Variants in MGAT4C observed in about 807,000 individuals in gnomAD.
MGAT4C encodes MGAT4 family member C.
In MGAT4C, 19 loss-of-function variants were observed where a neutral mutation model predicts 40.1. That is an observed-to-expected ratio of 0.47 (90% CI 0.33 to 0.70). MGAT4C has a LOEUF of 0.70. Ranked by LOEUF, MGAT4C falls within the 30% of genes least tolerant of loss-of-function variation. The pLI is 0.02. For synonymous variants in MGAT4C, 181 were observed against 187.1 expected, an observed-to-expected ratio of 0.97 and a Z score of 0.27; for missense variants, 491 against 563.2, an observed-to-expected ratio of 0.87 and a Z score of 1.30.
Position 86,085,088 on chromosome 12 carries a change from A to T in MGAT4C, c.-56-35365T>A, listed in dbSNP as rs140841913. ...GCACTCTCACAATTTCTATTTCAAA[A>T]TATCTATACATTCTCTCATATAGTT... is the stretch of plus-strand genomic sequence containing the variant. On this transcript the variant is annotated intron_variant, in intron 1 of 4. Coordinates refer to ENST00000611864, the MANE Select transcript of MGAT4C (RefSeq NM_001351288.2). Among the ~76,000 whole-genome samples the T allele has an allele frequency of 6.2e-3, 941 of 152,168 alleles. 9 individuals carry two copies. The highest frequency in any genetic ancestry group is 0.011 in the Non-Finnish European group (769 of 67,960).
intron 2 of MGAT4C, among the ~76,000 whole-genome samples, chr12:86,646,965 C>T (rs1229002367): frequency 2.0e-5 from 3 of 151,904 alleles, no homozygotes; most frequent in Non-Finnish European, 4.4e-5. Flanking sequence ...CAAGGTGACA[C>T]AGCAGAGGCT....
At chr12:86,358,555 C>T (rs887788144) in intron 3 of MGAT4C, among the ~76,000 whole-genome samples, 5 of 152,126 alleles carry the variant, frequency 3.3e-5, no homozygotes, top group African/African-American at 1.2e-4. Context: ...GAGTCAAGAT[C>T]CATCAGTGTG....
At chr12:86,414,609 CA>C (rs1336488647) in intron 3 of MGAT4C, among the ~76,000 whole-genome samples, 1 of 151,722 alleles carries the variant, frequency 6.6e-6, no homozygotes, top group Non-Finnish European at 1.5e-5. Flanking sequence ...TTTTTAGAGC[CA>C]AAATAAATTC....
At chr12:86,578,107 C>A (rs1020057760) in intron 2 of MGAT4C, among the ~76,000 whole-genome samples, 1 of 151,558 alleles carries the variant, frequency 6.6e-6, no homozygotes, top group Non-Finnish European at 1.5e-5. Context: ...CTCCAAATGG[C>A]AAGAATAGGA....
At chr12:86,519,843 A>T (rs1187573848) in intron 2 of MGAT4C, among the ~76,000 whole-genome samples, 1 of 152,008 alleles carries the variant, frequency 6.6e-6, no homozygotes, top group East Asian at 1.9e-4. Context: ...ATTTTCTCCC[A>T]TTCTGTGGGT....
intron 1 of MGAT4C, among the ~76,000 whole-genome samples, chr12:86,736,225 C>G (rs1179048904): frequency 6.6e-6 from 1 of 151,766 alleles, no homozygotes; most frequent in Non-Finnish European, 1.5e-5. Flanking sequence ...TTACAGTAAG[C>G]CACACTGTTG....
chr12:86,743,531 T>C (rs923463541), intron 1 of MGAT4C, among the ~76,000 whole-genome samples: 1 of 151,586 alleles, frequency 6.6e-6, no homozygotes, highest in Non-Finnish European at 1.5e-5. Flanking sequence ...TTTCTGGCTA[T>C]GATAGATTTC....
chr12:86,221,762 T>C (rs556445393), intron 1 of MGAT4C, among the ~76,000 whole-genome samples: 2 of 152,336 alleles, frequency 1.3e-5, no homozygotes, highest in South Asian at 2.1e-4. Flanking sequence ...CACTTCCTTT[T>C]TCTATCTACA....
intron 3 of MGAT4C, among the ~76,000 whole-genome samples, chr12:86,406,993 G>A (rs1029434767): frequency 2.0e-5 from 3 of 152,094 alleles, no homozygotes; most frequent in African/African-American, 7.2e-5. Flanking sequence ...GTTGCAAGTA[G>A]TAGGTTGTCA....
intron 2 of MGAT4C, among the ~76,000 whole-genome samples, chr12:86,638,117 C>G (rs1963275004): frequency 3.5e-5 from 2 of 57,146 alleles, no homozygotes; most frequent in African/African-American, 7.3e-5. Flanking sequence ...TTTTATCTAA[C>G]AAAAAAATCA....
At chr12:86,443,385 G>A (rs1414941784) in intron 2 of MGAT4C, among the ~76,000 whole-genome samples, 1 of 152,090 alleles carries the variant, frequency 6.6e-6, no homozygotes, top group African/African-American at 2.4e-5. Flanking sequence ...ATGCTGAATA[G>A]ACCTGGAGAA....
chr12:85,959,268 T>C lies in MGAT4C; in HGVS notation c.*20021A>G, dbSNP rs1882983613. 1 of 151,908 alleles carries C rather than the reference T, an allele frequency of 6.6e-6. No homozygotes were observed. The allele number at this position is 151,908 out of a possible 1,614,324, so 9.4% of individuals were successfully genotyped here. ...CTAAAAGGCAGAAAAGCTGGAAAAA[T>C]CTCATGAAGACTAGAAGATTTACAC... is the stretch of plus-strand genomic sequence containing the variant. On this transcript the variant is annotated 3_prime_UTR_variant, in exon 5 of 5. Transcript: ENST00000611864.
At chr12:86,808,287 A>G (rs1952402710) in intron 1 of MGAT4C, among the ~76,000 whole-genome samples, 2 of 152,094 alleles carry the variant, frequency 1.3e-5, no homozygotes, top group South Asian at 4.1e-4. Context: ...TGAGGCTGGC[A>G]TTATCTTGAT....
chr12:86,801,204 A>T (rs1028179685), intron 1 of MGAT4C, among the ~76,000 whole-genome samples: 2 of 151,984 alleles, frequency 1.3e-5, no homozygotes, highest in African/African-American at 4.8e-5. Context: ...AAAGAACAGA[A>T]GACAGCTCTC....
At chr12:86,167,015 A>G (rs1886265333) in intron 1 of MGAT4C, among the ~76,000 whole-genome samples, 1 of 152,176 alleles carries the variant, frequency 6.6e-6, no homozygotes, top group Non-Finnish European at 1.5e-5. Flanking sequence ...TTGGTAAATT[A>G]TCTCATATAC....
chr12:86,772,376 A>G (rs1232913087), intron 1 of MGAT4C, among the ~76,000 whole-genome samples: 2 of 152,226 alleles, frequency 1.3e-5, no homozygotes, highest in Non-Finnish European at 2.9e-5. Context: ...ATGGAACAAA[A>G]TTCTACAGGA....
intron 1 of MGAT4C, among the ~76,000 whole-genome samples, chr12:86,796,251 C>G (rs1326991223): frequency 1.3e-5 from 2 of 151,320 alleles, no homozygotes; most frequent in African/African-American, 4.9e-5. Context: ...CAATTATGTT[C>G]TTTACTCCTT....
At chr12:86,014,393 G>C (rs1032089978) in intron 2 of MGAT4C, among the ~76,000 whole-genome samples, 1 of 152,118 alleles carries the variant, frequency 6.6e-6, no homozygotes. Flanking sequence ...TCCAGCCTAG[G>C]AGCTTCAAGC....
intron 1 of MGAT4C, among the ~76,000 whole-genome samples, chr12:86,159,203 T>C (rs1885316797): frequency 6.6e-6 from 1 of 152,086 alleles, no homozygotes; most frequent in Admixed American, 6.6e-5. Context: ...TTGAGGTATG[T>C]TCCTTTGATG....
Sources: gnomAD v4.1 joint callset for allele counts (sites outside exome capture counted in the v4.1 genomes callset) on GRCh38, gnomAD v4.1.1 for gene constraint, MANE v1.5 for transcripts, NCBI Gene and HGNC (gene_info 2026-07-23, HGNC 2026-07-21) for gene names.